The following TTC39A variants were observed in gnomAD, a reference collection of about 807,000 sequenced individuals.
TTC39A encodes the protein tetratricopeptide repeat domain 39A, also known as tetratricopeptide repeat protein 39A.
A neutral mutation model predicts 82.3 loss-of-function variants in TTC39A; 46 were observed. That is an observed-to-expected ratio of 0.56 (90% CI 0.44 to 0.71). The LOEUF (loss-of-function observed/expected upper bound fraction) is 0.71, where lower values mean the gene tolerates loss of function less well. Ranked by LOEUF, TTC39A falls within the 30% of genes least tolerant of loss-of-function variation. The pLI, the probability that TTC39A is intolerant of heterozygous loss-of-function variation, is 0.00. For missense variants in TTC39A, 543 were observed against 712.9 expected (o/e 0.76, Z 2.71); for synonymous variants, 254 against 275.2 (o/e 0.92, Z 0.76).
chr1:51,292,820 GA>G (rs903009747), intron 14 of TTC39A, among the ~76,000 whole-genome samples: 1 of 152,064 alleles, frequency 6.6e-6, no homozygotes, highest in Non-Finnish European at 1.5e-5. Flanking sequence ...ATAAGTTAGA[GA>G]AAAAACATAT....
intron 12 of TTC39A, 117 bp downstream of exon 12, chr1:51,301,455 G>A (rs1644651775): frequency 9.1e-6 from 12 of 1,320,276 alleles, no homozygotes; most frequent in Non-Finnish European, 1.1e-5. Flanking sequence ...TAGAATTTAA[G>A]GTTATGTTTA....
At chr1:51,311,375 C>T (rs966037882) in intron 4 of TTC39A, 54 bp from the exon 5 acceptor site, 6 of 1,512,416 alleles carry the variant, frequency 4.0e-6, no homozygotes, top group African/African-American at 1.4e-5. Context: ...GTCAGGAGGC[C>T]TGGGACAAAT....
At chr1:51,332,247 C>CT (rs1217771227), upstream of TTC39A, among the ~76,000 whole-genome samples, 1 of 152,164 alleles carries the variant, frequency 6.6e-6, no homozygotes, top group Non-Finnish European at 1.5e-5. Flanking sequence ...AAATTTGAAG[C>CT]TTTTTTTATT....
chr1:51,333,221 A>G (rs1456704540), upstream of TTC39A, among the ~76,000 whole-genome samples: 15 of 61,122 alleles, frequency 2.5e-4, no homozygotes, highest in African/African-American at 6.7e-4. Flanking sequence ...CGCCCCCACC[A>G]AAAAAAAAAA....
rs565970512 is a variant in TTC39A at position 51,316,247 on chromosome 1, C to T, written c.147-3304G>A. Among the ~76,000 whole-genome samples, 5 of 152,338 alleles carry T rather than the reference C, an allele frequency of 3.3e-5. No individual in the cohort carries two copies. The South Asian group carries it at 1.0e-3, about 32-fold the overall frequency. On this transcript the variant is annotated intron_variant, in intron 2 of 17. Coordinates refer to ENST00000680483, the MANE Select transcript of TTC39A (RefSeq NM_001297663.2). ...CCAGTGACAGGTGCCCAACCACCTC[C>T]ATCCTTTGAGTCATAGCGTGACCTT...
chr1:51,332,659 G>A (rs947429553), upstream of TTC39A, among the ~76,000 whole-genome samples: 5 of 152,350 alleles, frequency 3.3e-5, no homozygotes, highest in East Asian at 1.9e-4. Flanking sequence ...TGATGCTCAC[G>A]TGCTGCTGAG....
At chr1:51,301,778 C>T (rs1409898774) in intron 11 of TTC39A, 45 bp from the exon 12 acceptor site, 1 of 1,583,178 alleles carries the variant, frequency 6.3e-7, no homozygotes, top group East Asian at 2.3e-5. Context: ...CACCCAGCCC[C>T]AACCCCTCTG....
intron 1 of TTC39A, among the ~76,000 whole-genome samples, chr1:51,343,670 G>A (rs965189458): frequency 2.4e-4 from 37 of 152,228 alleles, no homozygotes; most frequent in African/African-American, 8.7e-4. Flanking sequence ...TACCTGCAGT[G>A]CCTAGTACAG....
At chr1:51,309,206 T>A in intron 6 of TTC39A, 55 bp downstream of exon 6, 1 of 1,556,362 alleles carries the variant, frequency 6.4e-7, no homozygotes. Context: ...GGGGACAGCC[T>A]AGCAGATGCT....
chr1:51,340,226 G>A (rs1646018137), intron 1 of TTC39A, among the ~76,000 whole-genome samples: 1 of 152,196 alleles, frequency 6.6e-6, no homozygotes, highest in Non-Finnish European at 1.5e-5. Context: ...AGGTGATCTA[G>A]CAAAGTGCCT....
chr1:51,295,713 C>T (rs911649328), intron 13 of TTC39A: 8 of 289,814 alleles, frequency 2.8e-5, no homozygotes, highest in Non-Finnish European at 4.0e-5. Context: ...CAGCTCTCTA[C>T]TGTGCTTCTC....
chr1:51,292,021 C>T (rs1170021304), intron 14 of TTC39A, among the ~76,000 whole-genome samples: 1 of 151,934 alleles, frequency 6.6e-6, no homozygotes, highest in Non-Finnish European at 1.5e-5. Context: ...AGTGAGATAT[C>T]ATCTCTACAA....
chr1:51,331,081 T>G (rs1431585831), upstream of TTC39A: 13 of 1,059,250 alleles, frequency 1.2e-5, no homozygotes, highest in Admixed American at 2.4e-4. Context: ...TCTCAAATGA[T>G]CCCCATAATT....
rs1373944853 is a variant in TTC39A at position 51,342,997 on chromosome 1, A to G, written c.53+1994T>C. 6.6e-6 allele frequency: 3 copies of G among 455,450 alleles called. No homozygotes were observed. In the East Asian group the frequency reaches 2.1e-4, roughly 32 times the overall value. The allele number at this position is 455,450 out of a possible 1,614,324, so 28.2% of individuals were successfully genotyped here. A position where few individuals can be genotyped will look rare whatever the true frequency, so the allele number is the denominator to read the frequency against. On this transcript the variant is annotated intron_variant, in intron 1 of 5. Coordinates refer to the TTC39A transcript ENST00000401051. ...CTCCCTGCACACTGAGAGGTGTGTAACATACATACACGGGAGACCCCGAAG... is the reference window on the plus strand; with the variant it reads ...CTCCCTGCACACTGAGAGGTGTGTAGCATACATACACGGGAGACCCCGAAG...
chr1:51,302,014 G>C, intron 11 of TTC39A: 1 of 680,334 alleles, frequency 1.5e-6, no homozygotes, highest in Non-Finnish European at 2.7e-6. Context: ...ATAATGGAGG[G>C]GAGGTACCAG....
chr1:51,307,834 C>T (rs1408007646), intron 6 of TTC39A, among the ~76,000 whole-genome samples: 1 of 151,716 alleles, frequency 6.6e-6, no homozygotes, highest in African/African-American at 2.4e-5. Context: ...ACATCTTAAC[C>T]AATTTTAAGT....
chr1:51,342,960 C>T (rs757702923), intron 1 of TTC39A: 93 of 435,376 alleles, frequency 2.1e-4, no homozygotes, highest in South Asian at 1.4e-3. Context: ...CCACGCCAGC[C>T]TCCCCTCTGC....
intron 1 of TTC39A, among the ~76,000 whole-genome samples, chr1:51,344,158 G>A (rs536434974): frequency 1.3e-3 from 202 of 152,320 alleles, no homozygotes; most frequent in African/African-American, 4.7e-3. Context: ...TCACTGACAC[G>A]GGGACACCGG....
Position 51,288,088 on chromosome 1 carries a change from T to C in TTC39A, c.*69A>G. 2 of 1,574,444 alleles carry C rather than the reference T, an allele frequency of 1.3e-6. No homozygotes were observed. The highest frequency in any genetic ancestry group is 1.7e-6 in the Non-Finnish European group (2 of 1,158,206). ...GGCAGGGCAGGGCAGGGGGAGGGGG[T>C]ATTTTGAAATGTTTTCAGGAGCTCT... is the stretch of plus-strand genomic sequence containing the variant. On this transcript the variant is annotated 3_prime_UTR_variant, in exon 18 of 18. Transcript: ENST00000680483. This position sits in a 1 kb window ranked among gnomAD's most constrained non-coding sequence, Gnocchi z 4.8.
Sources: allele counts gnomAD v4.1 joint callset (sites outside exome capture counted in the v4.1 genomes callset), GRCh38; gene constraint gnomAD v4.1.1; non-coding constraint Gnocchi (gnomAD v3.1); transcripts MANE v1.5; gene names NCBI Gene and HGNC (gene_info 2026-07-23, HGNC 2026-07-21).